Variants in TRAP1 observed in about 807,000 individuals in gnomAD.
TRAP1 encodes the protein heat shock protein 75 kDa, mitochondrial.
Under a neutral mutation model 89.1 loss-of-function variants are expected in TRAP1, and 102 were observed. That is an observed-to-expected ratio of 1.15 (90% CI 0.98 to 1.35). The LOEUF (loss-of-function observed/expected upper bound fraction) is 1.35. Among genes scored for constraint, TRAP1 ranks in the 40% most tolerant of loss-of-function variants. The pLI is 0.00. For missense variants in TRAP1, 1,256 were observed against 945.3 expected, an observed-to-expected ratio of 1.33 and a Z score of -4.31; for synonymous variants, 508 against 388.0, an observed-to-expected ratio of 1.31 and a Z score of -3.64.
At chr16:3,703,350 C>T (rs369303137) in intron 1 of TRAP1, among the ~76,000 whole-genome samples, 9 of 151,562 alleles carry the variant, frequency 5.9e-5, no homozygotes, top group African/African-American at 2.0e-4. Context: ...AAACTACAGA[C>T]GTAAGGTAAC....
At chr16:3,700,311 G>A (rs1444352165) in intron 1 of TRAP1, among the ~76,000 whole-genome samples, 2 of 150,378 alleles carry the variant, frequency 1.3e-5, no homozygotes, top group African/African-American at 4.9e-5. Flanking sequence ...GAGATTACAG[G>A]CATGTGCCAC....
At chr16:3,679,927 T>A (rs2051052954) in intron 4 of TRAP1, 137 bp from the exon 5 acceptor site, 7 of 752,976 alleles carry the variant, frequency 9.3e-6, no homozygotes, top group Non-Finnish European at 1.6e-5. Flanking sequence ...CAGATGCTCA[T>A]CAGAAAAGAC....
chr16:3,679,295 G>C (rs2051042806), intron 5 of TRAP1, among the ~76,000 whole-genome samples: 1 of 151,826 alleles, frequency 6.6e-6, no homozygotes, highest in South Asian at 2.1e-4. Context: ...ACCAGCCAAG[G>C]ATCGAAAATA....
At chr16:3,716,149 G>T (rs551251574) in intron 1 of TRAP1, among the ~76,000 whole-genome samples, 1 of 152,136 alleles carries the variant, frequency 6.6e-6, no homozygotes, top group African/African-American at 2.4e-5. Context: ...CACCGCGCCC[G>T]GCCACAAGGT....
At chr16:3,697,132 C>A (rs2051298741) in intron 1 of TRAP1, among the ~76,000 whole-genome samples, 2 of 152,216 alleles carry the variant, frequency 1.3e-5, no homozygotes, top group African/African-American at 4.8e-5. Flanking sequence ...TATCATCCTA[C>A]ATTCCTGCCA....
Position 3,707,044 on chromosome 16 carries a change from G to GT in TRAP1, c.88+10376dup, listed in dbSNP as rs1264133347. On this transcript the variant is annotated intron_variant, in intron 1 of 17. Coordinates refer to ENST00000246957, the MANE Select transcript of TRAP1 (RefSeq NM_016292.3). The stretch of plus-strand genomic sequence containing the variant: ...CCTAGTTATCCATTTTGTATCACCT[G>GT]TTTTTTTGTTGTTGTTTCTTTAATT... 2.0e-5 allele frequency among the ~76,000 whole-genome samples: 3 copies of GT among 152,022 alleles called. No homozygotes were observed. In the East Asian group the frequency reaches 5.8e-4, roughly 29 times the overall value.
chr16:3,711,780 C>T (rs189199025), intron 1 of TRAP1, among the ~76,000 whole-genome samples: 1 of 152,100 alleles, frequency 6.6e-6, no homozygotes, highest in Non-Finnish European at 1.5e-5. Flanking sequence ...TTGTTAAATG[C>T]TGTGGAACTA....
At chr16:3,712,173 C>T (rs934725357) in intron 1 of TRAP1, among the ~76,000 whole-genome samples, 3 of 151,078 alleles carry the variant, frequency 2.0e-5, no homozygotes, top group Admixed American at 1.3e-4. Flanking sequence ...CCTGTAGTCC[C>T]AGCTACTCAG....
intron 5 of TRAP1, among the ~76,000 whole-genome samples, chr16:3,678,888 TTTCTGCAAAGTCGA>T (rs2051036696): frequency 6.6e-6 from 1 of 152,194 alleles, no homozygotes; most frequent in Non-Finnish European, 1.5e-5. Flanking sequence ...TCACAGCACT[TTTCTGCAAAGTCGA>T]TTCCCTGAGC....
At chr16:3,669,667 T>C (rs1567227753) in intron 11 of TRAP1, among the ~76,000 whole-genome samples, 1 of 151,324 alleles carries the variant, frequency 6.6e-6, no homozygotes, top group African/African-American at 2.4e-5. Flanking sequence ...ACCCTGTCTC[T>C]ACTAAATATA....
intron 1 of TRAP1, among the ~76,000 whole-genome samples, chr16:3,700,239 C>G (rs1014268137): frequency 6.6e-6 from 1 of 151,708 alleles, no homozygotes; most frequent in East Asian, 1.9e-4. Context: ...GCGATCTCAG[C>G]TCACCCCATC....
chr16:3,666,271 A>G (rs2050827773), intron 11 of TRAP1, among the ~76,000 whole-genome samples, 153 bp from the exon 12 acceptor site: 1 of 152,190 alleles, frequency 6.6e-6, no homozygotes, highest in Non-Finnish European at 1.5e-5. Flanking sequence ...ACTGAGCAGA[A>G]AGACAGAAAC....
In TRAP1 at chr16:3,677,641, C is replaced by T. The variant is rs1596717659; in HGVS notation, c.561G>A (p.Leu187=). 5.0e-6 allele frequency: 8 copies of T among 1,613,856 alleles called. No individual in the cohort carries two copies. The highest frequency in any genetic ancestry group is 6.8e-6 in the Non-Finnish European group (8 of 1,179,956). ...RSGSKAFLDA[L]QNQAEASSKI... ...TGCTGCTGGCCTCAGCCTGGTTCTG[C>T]AGAGCATCCAGGAAGGCCTGTGGGG... The change falls in exon 6 of 18, where the codon CTG becomes CTA. Residue 187 remains leucine (L), a synonymous_variant. Transcript: ENST00000246957.
intron 1 of TRAP1, among the ~76,000 whole-genome samples, chr16:3,703,994 G>A (rs569961548): frequency 2.7e-5 from 4 of 146,054 alleles, no homozygotes; most frequent in African/African-American, 5.1e-5. Flanking sequence ...CAGCCTGGGC[G>A]ACAGAGCGAG....
At chr16:3,659,767 A>AG (rs2042962256) in intron 16 of TRAP1, 1 of 151,484 alleles carries the variant, frequency 6.6e-6, no homozygotes, top group Non-Finnish European at 1.5e-5. Context: ...ATAGATAGAT[A>AG]GATAGATAGA....
intron 6 of TRAP1, 84 bp downstream of exon 6, chr16:3,677,414 T>C (rs2051013190): frequency 4.5e-6 from 7 of 1,567,014 alleles, no homozygotes; most frequent in Non-Finnish European, 6.1e-6. Flanking sequence ...TGTGTACGTT[T>C]TCTGAGTCCA....
chr16:3,667,566 G>A (rs890642351), intron 11 of TRAP1, among the ~76,000 whole-genome samples: 8 of 150,766 alleles, frequency 5.3e-5, no homozygotes, highest in Admixed American at 3.3e-4. Context: ...CAGAGGTTTC[G>A]GTGAGCCAAT....
At chr16:3,665,160 G>C (rs114952963) in intron 12 of TRAP1, 40 of 152,402 alleles carry the variant, frequency 2.6e-4, no homozygotes, top group African/African-American at 9.6e-4. Flanking sequence ...CCTGTGTGCT[G>C]TTAACTCAAA....
At chr16:3,701,550 C>CAAAA (rs34870237) in intron 1 of TRAP1, among the ~76,000 whole-genome samples, 2 of 120,080 alleles carry the variant, frequency 1.7e-5, no homozygotes, top group East Asian at 2.3e-4. Context: ...GACCCTGTCC[C>CAAAA]AAAAAAAAAA....
Sources: gnomAD v4.1 joint callset for allele counts (sites outside exome capture counted in the v4.1 genomes callset) on GRCh38, gnomAD v4.1.1 for gene constraint, MANE v1.5 for transcripts, NCBI Gene and HGNC (gene_info 2026-07-23, HGNC 2026-07-21) for gene names.